The following PLEKHA4 variants were observed in gnomAD, a reference collection of about 807,000 sequenced individuals.
The protein encoded by PLEKHA4 is pleckstrin homology domain-containing family A member 4.
A neutral mutation model predicts 94.7 loss-of-function variants in PLEKHA4; 73 were observed. That is an observed-to-expected ratio of 0.77 (90% CI 0.64 to 0.94). The LOEUF (loss-of-function observed/expected upper bound fraction) is 0.94, where lower values mean the gene tolerates loss of function less well. PLEKHA4 is among the 40% of genes least tolerant of loss of function. PLEKHA4 has a pLI of 0.00. For missense variants in PLEKHA4, 1,049 were observed against 1,054.1 expected (o/e 1.00, Z 0.07); for synonymous variants, 449 against 437.1 (o/e 1.03, Z -0.34).
intron 9 of PLEKHA4, 41 bp downstream of exon 9, chr19:48,857,381 G>A: frequency 1.3e-6 from 1 of 791,898 alleles, no homozygotes; most frequent in Non-Finnish European, 2.1e-6. Flanking sequence ...GAAAGGAAGG[G>A]AGGGGGCTCC....
At chr19:48,851,997 C>CG (rs1568543229) in intron 13 of PLEKHA4, among the ~76,000 whole-genome samples, 1 of 151,850 alleles carries the variant, frequency 6.6e-6, no homozygotes, top group Non-Finnish European at 1.5e-5. Flanking sequence ...CTCGAGAAAA[C>CG]GGCATTCAAA....
intron 18 of PLEKHA4, among the ~76,000 whole-genome samples, chr19:48,838,778 A>AG (rs1215985222): frequency 6.6e-6 from 1 of 151,420 alleles, no homozygotes; most frequent in African/African-American, 2.4e-5. Context: ...AAAAAAAAAA[A>AG]AAAGTAAAAA....
intron 5 of PLEKHA4, among the ~76,000 whole-genome samples, chr19:48,860,853 A>G (rs837617): frequency 0.19 from 27,924 of 150,516 alleles, 3,470 homozygotes; most frequent in African/African-American, 0.35. Flanking sequence ...GAGAGAGAGA[A>G]AAAAAAAGGA....
Position 48,867,752 on chromosome 19 carries a change from T to C in PLEKHA4, c.-6-126A>G. On this transcript the variant is annotated intron_variant, in intron 1 of 19. Coordinates refer to ENST00000263265, the MANE Select transcript of PLEKHA4 (RefSeq NM_020904.3). This position sits in a 1 kb window ranked among gnomAD's most constrained non-coding sequence, Gnocchi z 4.7. ...CCTGTTGTTTCGGGACTTGGGGGGC[T>C]GGGGGAGGCCATGGCCCGTGACCAC... 1 of 864,704 alleles carries C rather than the reference T, an allele frequency of 1.2e-6. No individual in the cohort carries two copies. The highest frequency in any genetic ancestry group is 1.8e-6 in the Non-Finnish European group (1 of 556,926). The allele number at this position is 864,704 out of a possible 1,614,324, so 53.6% of individuals were successfully genotyped here.
rs116558299 is a variant in PLEKHA4 at position 48,853,216 on chromosome 19, G to A, written c.1326+466C>T. Among the ~76,000 whole-genome samples, 881 of 151,640 alleles carry A rather than the reference G, an allele frequency of 5.8e-3. 8 individuals are homozygous for A. The highest frequency in any genetic ancestry group is 0.027 in the Middle Eastern group (8 of 294). ...CATTCATTCATTCACTCATTTTCAC[G>A]TATCACATATAATAATTCTCAGAGT... is the stretch of plus-strand genomic sequence containing the variant. On this transcript the variant is annotated intron_variant, in intron 12 of 19. Transcript: ENST00000263265.
intron 3 of PLEKHA4, among the ~76,000 whole-genome samples, chr19:48,863,433 T>TTTTG (rs1491198715): frequency 1.5e-5 from 1 of 64,796 alleles, no homozygotes; most frequent in Non-Finnish European, 2.9e-5. Flanking sequence ...AGGTTTTTTG[T>TTTTG]TTTTTTTTTT....
intron 13 of PLEKHA4, among the ~76,000 whole-genome samples, chr19:48,850,654 A>C (rs1158542813): frequency 4.0e-5 from 6 of 151,486 alleles, no homozygotes; most frequent in African/African-American, 9.7e-5. Context: ...CCCGTCTCTC[A>C]TAAAACTACA....
Position 48,859,661 on chromosome 19 carries a change from C to T in PLEKHA4, c.500G>A (p.Arg167Gln). Reference protein sequence around the residue: ...DDYGQPRSPARPQPGEGPGGP... With the variant: ...DDYGQPRSPAQPQPGEGPGGP... The stretch of plus-strand genomic sequence containing the variant: ...GCCGGGGCCCTCCCCGGGCTGGGGT[C>T]GTGCAGGTGACCTGGGTTGCCCACT... The change falls in exon 7 of 20, where the codon CGA (arginine) becomes CAA (glutamine). Residue 167 changes from arginine to glutamine, a missense_variant. Coordinates refer to ENST00000263265, the MANE Select transcript of PLEKHA4 (RefSeq NM_020904.3). The T allele has an allele frequency of 1.2e-6, 2 of 1,612,112 alleles. No individual in the cohort carries two copies. The highest frequency in any genetic ancestry group is 1.7e-6 in the Non-Finnish European group (2 of 1,179,940).
chr19:48,858,847 C>A lies in PLEKHA4; in HGVS notation c.972+13G>T. The stretch of plus-strand genomic sequence containing the variant: ...GGGAAACGTAGTCCCCTCCTTCTCA[C>A]CTCTCTGCTCACCTGTGTTCTGGGC... On this transcript the variant is annotated intron_variant, in intron 8 of 19. Transcript: ENST00000263265. The A allele has an allele frequency of 6.2e-7, 1 of 1,613,420 alleles. No individual in the cohort carries two copies. The highest frequency in any genetic ancestry group is 1.3e-5 in the African/African-American group (1 of 74,914).
Position 48,837,490 on chromosome 19 carries a change from G to A in PLEKHA4, c.2139C>T (p.Pro713=). 6.2e-7 allele frequency: 1 copy of A among 1,612,720 alleles called. No homozygotes were observed. The highest frequency in any genetic ancestry group is 8.5e-7 in the Non-Finnish European group (1 of 1,179,494). The change falls in exon 20 of 20, where the codon CCC becomes CCT. Residue 713 remains proline (P), a synonymous_variant. Transcript: ENST00000263265. This position sits in a 1 kb window ranked among gnomAD's most constrained non-coding sequence, Gnocchi z 4.3. ...TGGGGGGAGGGGTCTCCTGGCGCGT[G>A]GGGTCCGAAGGAGGCAGCGGCACAC... ...LPGVPLPPSD[P]TRQETPPPRS... is the part of the protein sequence containing the mutation.
chr19:48,847,989 C>T lies in PLEKHA4; in HGVS notation c.1477G>A (p.Gly493Ser). 6.2e-7 allele frequency: 1 copy of T among 1,613,616 alleles called. No individual in the cohort carries two copies. Among genetic ancestry groups the T allele is most frequent in the Non-Finnish European group, 8.5e-7 (1 of 1,179,824 alleles). ...QLWMVEDTLA[G>S]LGGPQKPPPH... ...GGCGGTTTCTGGGGGCCACCCAGAC[C>T]TGCCAGCGTGTCTTCCACCATCCAC... The change falls in exon 14 of 20, where the codon GGT (glycine) becomes AGT (serine). Residue 493 changes from glycine (G) to serine (S), a missense_variant. By Grantham distance (56) the Gly-to-Ser change is moderately conservative. Transcript: ENST00000263265.
At chr19:48,860,024 G>T (rs1232306680) in intron 6 of PLEKHA4, 1 of 556,994 alleles carries the variant, frequency 1.8e-6, no homozygotes, top group Non-Finnish European at 3.2e-6. Flanking sequence ...CTTTTACCTG[G>T]CATTGTTTAG....
chr19:48,846,311 C>T (rs2035969040), intron 14 of PLEKHA4, among the ~76,000 whole-genome samples: 1 of 151,476 alleles, frequency 6.6e-6, no homozygotes, highest in African/African-American at 2.4e-5. Context: ...ATTAGCCGGG[C>T]GTGGTGGCAG....
chr19:48,854,164 ATTCTCTCCCCAACT>A (rs372998263), intron 10 of PLEKHA4, 39 bp downstream of exon 10: 16 of 1,612,552 alleles, frequency 9.9e-6, no homozygotes, highest in African/African-American at 6.7e-5. Flanking sequence ...CATCTAGAAC[ATTCTCTCCCCAACT>A]CTGGGAACTC....
At position 48,865,527 on chromosome 19, in the gene PLEKHA4, G is replaced by A. The variant is rs757839149; in HGVS notation, c.168C>T (p.His56=). Residue 56 remains histidine (H), a synonymous_variant, in exon 3 of 20, where the codon CAC becomes CAT. Transcript: ENST00000263265. ...ALRRDPNLPV[H]IRGWLHKQDS... is the part of the protein sequence containing the mutation. ...CCTGCTTATGAAGCCAGCCTCGGATGTGCACGGGAAGGTTGGGATCCCTCC... is the reference window on the plus strand; with the variant it reads ...CCTGCTTATGAAGCCAGCCTCGGATATGCACGGGAAGGTTGGGATCCCTCC... The A allele has an allele frequency of 6.2e-7, 1 of 1,614,052 alleles. No homozygotes were observed. The highest frequency in any genetic ancestry group is 8.5e-7 in the Non-Finnish European group (1 of 1,179,992).
At chr19:48,844,940 G>A (rs1000545623) in intron 16 of PLEKHA4, among the ~76,000 whole-genome samples, 8 of 149,380 alleles carry the variant, frequency 5.4e-5, no homozygotes, top group South Asian at 2.1e-4. Flanking sequence ...TCAGCCTCCC[G>A]AGTGGCTGGG....
rs951481539 is a variant in PLEKHA4, at chr19:48,860,349, C to T, written c.476+1G>A. 6 of 1,611,704 alleles carry T rather than the reference C, an allele frequency of 3.7e-6. No individual in the cohort carries two copies. Among genetic ancestry groups the T allele is most frequent in the Non-Finnish European group, 4.2e-6 (5 of 1,178,284 alleles). ...GGAGCATGGCTTGGACCTCTACTCA[C>T]TAGTCGTCCCCCTCCGCACGGGAGG... On this transcript the variant is annotated splice_donor_variant, in intron 6 of 19. Coordinates refer to ENST00000263265, the MANE Select transcript of PLEKHA4 (RefSeq NM_020904.3). LOFTEE classifies it high-confidence loss of function.
At chr19:48,841,441 A>T in intron 16 of PLEKHA4, 131 bp from the exon 17 acceptor site, 1 of 975,878 alleles carries the variant, frequency 1.0e-6, no homozygotes, top group South Asian at 1.9e-5. Flanking sequence ...AGCCTGGCCA[A>T]CTTGGCGAAA....
chr19:48,859,787 T>C, intron 6 of PLEKHA4, 103 bp from the exon 7 acceptor site: 1 of 1,054,858 alleles, frequency 9.5e-7, no homozygotes, highest in Non-Finnish European at 1.4e-6. Context: ...AAAAGGAAAG[T>C]TGTGCACTAT....
Sources: allele counts gnomAD v4.1 joint callset (sites outside exome capture counted in the v4.1 genomes callset), GRCh38; gene constraint gnomAD v4.1.1; non-coding constraint Gnocchi (gnomAD v3.1); transcripts MANE v1.5; gene names NCBI Gene and HGNC (gene_info 2026-07-23, HGNC 2026-07-21).